The following NCAM2 variants were observed in gnomAD, a reference collection of about 807,000 sequenced individuals.
The protein encoded by NCAM2 is N-CAM-2.
In NCAM2, 30 loss-of-function variants were observed where a neutral mutation model predicts 98.1. The observed-to-expected ratio is 0.31, with a 90% CI of 0.23 to 0.41. NCAM2 has a LOEUF of 0.41. Ranked by LOEUF, NCAM2 falls within the 10% of genes least tolerant of loss-of-function variation. NCAM2 has a pLI of 1.00. For synonymous variants in NCAM2, 368 were observed against 342.4 expected, an observed-to-expected ratio of 1.07 and a Z score of -0.83; for missense variants, 867 against 1,005.8, an observed-to-expected ratio of 0.86 and a Z score of 1.87.
chr21:21,021,830 T>A (rs2064443368), intron 1 of NCAM2, among the ~76,000 whole-genome samples: 1 of 152,086 alleles, frequency 6.6e-6, no homozygotes, highest in African/African-American at 2.4e-5. Context: ...AGTGTTAGAG[T>A]TTTTTAATTT....
intron 5 of NCAM2, among the ~76,000 whole-genome samples, chr21:21,298,314 T>A (rs2073567844): frequency 6.6e-6 from 1 of 151,694 alleles, no homozygotes; most frequent in Admixed American, 6.6e-5. Flanking sequence ...CTATTTTAAG[T>A]CAGTTTAATG....
intron 1 of NCAM2, among the ~76,000 whole-genome samples, chr21:21,105,604 C>T (rs912499750): frequency 6.6e-6 from 1 of 152,062 alleles, no homozygotes; most frequent in Non-Finnish European, 1.5e-5. Context: ...TAAAGATGCT[C>T]AATTTCATTA....
chr21:21,484,607 TA>T (rs767745765), intron 15 of NCAM2, among the ~76,000 whole-genome samples: 289 of 151,150 alleles, frequency 1.9e-3, no homozygotes, highest in African/African-American at 6.8e-3. Flanking sequence ...CCCTGAAAAT[TA>T]AAAAAAAATA....
At chr21:21,071,963 A>C (rs2065580043) in intron 1 of NCAM2, among the ~76,000 whole-genome samples, 1 of 151,724 alleles carries the variant, frequency 6.6e-6, no homozygotes, top group African/African-American at 2.4e-5. Flanking sequence ...CCCAGGCTGG[A>C]GTGCAGTGGC....
At chr21:21,515,199 A>T (rs886431060) in intron 16 of NCAM2, among the ~76,000 whole-genome samples, 7 of 152,188 alleles carry the variant, frequency 4.6e-5, no homozygotes, top group Non-Finnish European at 1.0e-4. Flanking sequence ...TGAAATTTTT[A>T]AAGTACCTTA....
rs139561004 is a variant in NCAM2 at position 21,233,289 on chromosome 21, A to T, written c.56-47289A>T. 6.3e-4 allele frequency among the ~76,000 whole-genome samples: 96 copies of T among 151,808 alleles called. 1 individual carries two copies. In the East Asian group the frequency reaches 0.017, roughly 27 times the overall value. ...TCCTACTGCTAGCAGCATTAAAAAG[A>T]TGTTCAACCATTCTTCTGTTTCCCA... On this transcript the variant is annotated intron_variant, in intron 1 of 17. Transcript: ENST00000400546.
intron 14 of NCAM2, among the ~76,000 whole-genome samples, chr21:21,471,318 T>C (rs1413830745): frequency 1.3e-5 from 2 of 152,040 alleles, no homozygotes; most frequent in African/African-American, 4.8e-5. Flanking sequence ...CATCATGCTC[T>C]GAGGATCCAA....
chr21:21,215,584 C>G (rs117286567), intron 1 of NCAM2, among the ~76,000 whole-genome samples: 1 of 151,884 alleles, frequency 6.6e-6, no homozygotes, highest in Non-Finnish European at 1.5e-5. Context: ...CAAAATTAGC[C>G]GGGCGTGGTG....
chr21:21,052,502 T>C (rs1294241532), intron 1 of NCAM2, among the ~76,000 whole-genome samples: 2 of 152,052 alleles, frequency 1.3e-5, no homozygotes, highest in East Asian at 3.9e-4. Context: ...TCTATATGTC[T>C]CTCTAGCATA....
intron 12 of NCAM2, among the ~76,000 whole-genome samples, chr21:21,447,834 C>T (rs1980419471): frequency 6.6e-6 from 1 of 152,020 alleles, no homozygotes; most frequent in Admixed American, 6.6e-5. Context: ...CAAATCAAAA[C>T]CATAATGAGA....
At chr21:21,443,505 T>TA (rs1458584611) in intron 12 of NCAM2, among the ~76,000 whole-genome samples, 5 of 152,158 alleles carry the variant, frequency 3.3e-5, no homozygotes, top group African/African-American at 1.2e-4. Context: ...TGTGTATTTT[T>TA]ATGTATATTA....
At chr21:21,506,934 A>T (rs1988015978) in intron 15 of NCAM2, among the ~76,000 whole-genome samples, 1 of 152,130 alleles carries the variant, frequency 6.6e-6, no homozygotes, top group Non-Finnish European at 1.5e-5. Context: ...GTGACTAAGT[A>T]ATTCTCATTT....
At chr21:21,420,811 G>A (rs2077095593) in intron 11 of NCAM2, among the ~76,000 whole-genome samples, 1 of 151,804 alleles carries the variant, frequency 6.6e-6, no homozygotes, top group Non-Finnish European at 1.5e-5. Context: ...ATCAAGATAA[G>A]TGAGTTTAGA....
In NCAM2 at chr21:21,335,666, G is replaced by T; in HGVS notation, c.898+1G>T. 6.2e-7 allele frequency: 1 copy of T among 1,603,904 alleles called. No individual in the cohort carries two copies. The highest frequency in any genetic ancestry group is 8.5e-7 in the Non-Finnish European group (1 of 1,175,746). The stretch of plus-strand genomic sequence containing the variant: ...AAGCAAGCTTTCCTCCAAGTCTTTG[G>T]TAAGTATTATAGCATAGTGGCTAAA... On this transcript the variant is annotated splice_donor_variant, in intron 7 of 17. Transcript: ENST00000400546. LOFTEE classifies it high-confidence loss of function.
chr21:21,032,645 C>T (rs887042290), intron 1 of NCAM2, among the ~76,000 whole-genome samples: 19 of 152,090 alleles, frequency 1.2e-4, no homozygotes, highest in African/African-American at 4.3e-4. Context: ...TAGATTAGTT[C>T]TTAGTTTTTT....
At chr21:21,089,106 T>C (rs924345658) in intron 1 of NCAM2, among the ~76,000 whole-genome samples, 2 of 152,206 alleles carry the variant, frequency 1.3e-5, no homozygotes, top group African/African-American at 2.4e-5. Context: ...GTTCTGTTTT[T>C]GTTTTTAGCA....
intron 1 of NCAM2, among the ~76,000 whole-genome samples, chr21:21,233,114 T>A (rs1184623647): frequency 6.6e-6 from 1 of 151,572 alleles, no homozygotes; most frequent in African/African-American, 2.4e-5. Flanking sequence ...TGTATTAAGT[T>A]TTTATTTTCT....
chr21:21,057,841 A>G (rs573864217), intron 1 of NCAM2, among the ~76,000 whole-genome samples: 17 of 151,992 alleles, frequency 1.1e-4, no homozygotes, highest in Middle Eastern at 3.4e-3. Context: ...TTTAACAGCT[A>G]TTTCTTCAAA....
chr21:21,330,579 C>T (rs2074645973), intron 6 of NCAM2, among the ~76,000 whole-genome samples: 1 of 151,940 alleles, frequency 6.6e-6, no homozygotes, highest in African/African-American at 2.4e-5. Context: ...GGAGAAATCC[C>T]TAATATTAAA....
Sources: allele counts gnomAD v4.1 joint callset (sites outside exome capture counted in the v4.1 genomes callset), GRCh38; gene constraint gnomAD v4.1.1; transcripts MANE v1.5; gene names NCBI Gene and HGNC (gene_info 2026-07-23, HGNC 2026-07-21).